CCDC171: variants seen among roughly 807,000 people sequenced by gnomAD.
CCDC171 encodes coiled-coil domain-containing protein 171.
Under a neutral mutation model 168.2 loss-of-function variants are expected in CCDC171, and 177 were observed. The observed-to-expected ratio is 1.05, with a 90% CI of 0.93 to 1.19. The LOEUF (loss-of-function observed/expected upper bound fraction) is 1.19. Among genes scored for constraint, CCDC171 ranks in the 50% most tolerant of loss-of-function variants. CCDC171 has a pLI of 0.00. For missense variants in CCDC171, 1,991 were observed against 1,539.0 expected (o/e 1.29, Z -4.91); for synonymous variants, 687 against 540.8 (o/e 1.27, Z -3.75).
rs1045519347 is a variant in CCDC171, at chr9:15,697,587, C to T, written c.1318+2250C>T. Reference sequence around the variant, plus strand: ...GTTACATAAGCAAAAAAGTGAGTCACGAGTTTTTCGGCTTCCCAGTATGTT... The same window carrying T: ...GTTACATAAGCAAAAAAGTGAGTCATGAGTTTTTCGGCTTCCCAGTATGTT... On this transcript the variant is annotated intron_variant, in intron 11 of 25. Transcript: ENST00000380701. 3.9e-5 allele frequency among the ~76,000 whole-genome samples: 6 copies of T among 152,054 alleles called. 1 individual carries two copies. Among genetic ancestry groups the T allele is most frequent in the African/African-American group, 1.4e-4 (6 of 41,392 alleles).
At chr9:15,940,523 A>G (rs1260580341) in intron 25 of CCDC171, among the ~76,000 whole-genome samples, 1 of 151,962 alleles carries the variant, frequency 6.6e-6, no homozygotes, top group African/African-American at 2.4e-5. Flanking sequence ...AAATGTGGGA[A>G]CCAACAAGGA....
chr9:15,675,607 G>A (rs1455643962), intron 9 of CCDC171, among the ~76,000 whole-genome samples: 1 of 152,084 alleles, frequency 6.6e-6, no homozygotes, highest in Non-Finnish European at 1.5e-5. Flanking sequence ...GTCTGAAAAG[G>A]ATTTTATTTC....
At chr9:15,603,234 T>G (rs2042991528) in intron 6 of CCDC171, among the ~76,000 whole-genome samples, 1 of 152,168 alleles carries the variant, frequency 6.6e-6, no homozygotes, top group African/African-American at 2.4e-5. Context: ...TCTTCCCGCC[T>G]CAGCCTCCCA....
chr9:15,686,037 T>G (rs142973800), intron 10 of CCDC171, among the ~76,000 whole-genome samples: 1,758 of 152,264 alleles, frequency 0.012, 15 homozygotes, highest in Non-Finnish European at 0.019. Context: ...TGATCTCATA[T>G]TGTAATAGTG....
intron 9 of CCDC171, among the ~76,000 whole-genome samples, chr9:15,669,229 T>G (rs2048939915): frequency 6.6e-6 from 1 of 152,230 alleles, no homozygotes; most frequent in African/African-American, 2.4e-5. Context: ...TCCATAATTC[T>G]ATAATCAAAA....
chr9:15,622,911 T>C (rs1421128594), intron 6 of CCDC171, among the ~76,000 whole-genome samples: 1 of 152,174 alleles, frequency 6.6e-6, no homozygotes, highest in African/African-American at 2.4e-5. Flanking sequence ...AAAAGGGCAA[T>C]ATACATTTAA....
chr9:15,685,931 G>C (rs542143729), intron 10 of CCDC171, among the ~76,000 whole-genome samples: 16 of 152,144 alleles, frequency 1.1e-4, no homozygotes, highest in Admixed American at 9.2e-4. Context: ...ATGAACATTA[G>C]CTTCTTTTTA....
intron 24 of CCDC171, among the ~76,000 whole-genome samples, chr9:15,919,210 A>G (rs1048815694): frequency 6.6e-6 from 1 of 151,670 alleles, no homozygotes; most frequent in Admixed American, 6.6e-5. Context: ...AGAATTTATT[A>G]GGCCAAAAGG....
At chr9:15,736,869 G>T (rs565711037) in intron 16 of CCDC171, among the ~76,000 whole-genome samples, 2 of 152,110 alleles carry the variant, frequency 1.3e-5, no homozygotes, top group South Asian at 2.1e-4. Context: ...GTAGAGATTG[G>T]GTTTTGCCAT....
chr9:15,962,141 G>C lies in CCDC171; in HGVS notation c.3754-9468G>C, dbSNP rs140249341. 2.7e-3 allele frequency among the ~76,000 whole-genome samples: 418 copies of C among 152,192 alleles called. 2 individuals are homozygous for C. The highest frequency in any genetic ancestry group is 9.4e-3 in the African/African-American group (391 of 41,542). ...ATTCATTTACATATCCTCGATGGCCGCTTATGTGCTACAACACAGGGGCTA... is the reference window on the plus strand; with the variant it reads ...ATTCATTTACATATCCTCGATGGCCCCTTATGTGCTACAACACAGGGGCTA... On this transcript the variant is annotated intron_variant, in intron 25 of 25. Coordinates refer to ENST00000380701, the MANE Select transcript of CCDC171 (RefSeq NM_173550.4).
At chr9:15,714,309 A>G (rs183520432) in intron 11 of CCDC171, among the ~76,000 whole-genome samples, 29 of 152,240 alleles carry the variant, frequency 1.9e-4, no homozygotes, top group African/African-American at 6.7e-4. Context: ...CCTCTGTAAT[A>G]TCCCTCACTC....
chr9:15,867,759 G>A (rs570638508), intron 23 of CCDC171, among the ~76,000 whole-genome samples: 56 of 152,032 alleles, frequency 3.7e-4, no homozygotes, highest in Admixed American at 6.6e-4. Flanking sequence ...TAATTTCAGC[G>A]TGTATCTGTC....
chr9:16,090,294 A>G, the CCDC171 span, among the ~76,000 whole-genome samples: 1 of 152,190 alleles, frequency 6.6e-6, no homozygotes, highest in Admixed American at 6.5e-5. Flanking sequence ...GTTGGAAACC[A>G]TCAGTCTCAG....
rs548968680 is a variant in CCDC171, at chr9:16,010,047, T to G, written n.369-10542T>G. 4.3e-4 allele frequency among the ~76,000 whole-genome samples: 65 copies of G among 152,310 alleles called. 2 individuals carry two copies. In the South Asian group the frequency reaches 0.013, roughly 30 times the overall value. The stretch of plus-strand genomic sequence containing the variant: ...CATTTCATAGTGTGAGTAATTTATA[T>G]CCTTACATCCCAAGTGCCTCAACAG... On this transcript the variant is annotated intron_variant and non_coding_transcript_variant, in intron 3 of 9. Coordinates refer to the CCDC171 transcript ENST00000486641.
chr9:15,574,935 C>T (rs1326617445), intron 3 of CCDC171, among the ~76,000 whole-genome samples: 1 of 152,116 alleles, frequency 6.6e-6, no homozygotes, highest in Non-Finnish European at 1.5e-5. Flanking sequence ...CTTATAGACT[C>T]ATACGTTCCA....
At chr9:15,674,574 G>A (rs530803602) in intron 9 of CCDC171, among the ~76,000 whole-genome samples, 10 of 152,082 alleles carry the variant, frequency 6.6e-5, no homozygotes, top group African/African-American at 2.4e-4. Flanking sequence ...TGTTCTCATT[G>A]GTCTCAAATA....
At chr9:15,797,486 G>T (rs967072550) in intron 21 of CCDC171, among the ~76,000 whole-genome samples, 5 of 152,154 alleles carry the variant, frequency 3.3e-5, no homozygotes, top group African/African-American at 1.2e-4. Flanking sequence ...AAAGTGCTGA[G>T]AATACAGGCA....
chr9:16,082,076 C>G, the CCDC171 span, among the ~76,000 whole-genome samples: 1 of 152,058 alleles, frequency 6.6e-6, no homozygotes, highest in African/African-American at 2.4e-5. Flanking sequence ...GTAAAATTGT[C>G]TAAATTACAT....
rs1044622398 is a variant in CCDC171, at chr9:15,617,771, T to A, written c.676-5496T>A. Among the ~76,000 whole-genome samples, 9 of 152,178 alleles carry A rather than the reference T, an allele frequency of 5.9e-5. No homozygotes were observed. The East Asian group carries it at 1.3e-3, about 23-fold the overall frequency. On this transcript the variant is annotated intron_variant, in intron 6 of 25. Transcript: ENST00000380701. Reference sequence around the variant, plus strand: ...CCCTCTTCTGATGGTCTGCTGCAGTTTGCTGGACTTCTGCAGGTCTGCTGC... The same window carrying A: ...CCCTCTTCTGATGGTCTGCTGCAGTATGCTGGACTTCTGCAGGTCTGCTGC...
Sources: allele counts gnomAD v4.1 joint callset (sites outside exome capture counted in the v4.1 genomes callset), GRCh38; gene constraint gnomAD v4.1.1; transcripts MANE v1.5; gene names NCBI Gene and HGNC (gene_info 2026-07-23, HGNC 2026-07-21).